The following NAV1 variants were observed in gnomAD, a reference collection of about 807,000 sequenced individuals.
The protein encoded by NAV1 is neuron navigator 1, also known as pore membrane and/or filament interacting like protein 3.
In NAV1, 18 loss-of-function variants were observed where a neutral mutation model predicts 175.2. The observed-to-expected ratio is 0.10, with a 90% CI of 0.07 to 0.15. NAV1 has a LOEUF of 0.15. Among genes scored for constraint, NAV1 ranks in the 10% least tolerant of loss-of-function variants. The pLI, the probability that NAV1 is intolerant of heterozygous loss-of-function variation, is 1.00. For synonymous variants in NAV1, 897 were observed against 978.7 expected, an observed-to-expected ratio of 0.92 and a Z score of 1.56; for missense variants, 1,731 against 2,436.6, an observed-to-expected ratio of 0.71 and a Z score of 6.10.
In NAV1 at chr1:201,734,322, C is replaced by T. The variant is rs142996152; in HGVS notation, c.1226+15567C>T. Among the ~76,000 whole-genome samples, 426 of 151,432 alleles carry T rather than the reference C, an allele frequency of 2.8e-3. 3 individuals carry two copies. Among genetic ancestry groups the T allele is most frequent in the African/African-American group, 9.8e-3 (406 of 41,262 alleles). On this transcript the variant is annotated intron_variant, in intron 3 of 29. Transcript: ENST00000367296. ...ACTCAGGAGGCTGAGGTGGGAGGATCGCTTGAGTGATTGGAGATTGAGGCT... is the reference window on the plus strand; with the variant it reads ...ACTCAGGAGGCTGAGGTGGGAGGATTGCTTGAGTGATTGGAGATTGAGGCT...
intron 1 of NAV1, among the ~76,000 whole-genome samples, chr1:201,672,636 G>C (rs1256196463): frequency 6.6e-6 from 1 of 152,254 alleles, no homozygotes; most frequent in Non-Finnish European, 1.5e-5. Context: ...CTTACTGCTA[G>C]TAAGTGGCAG....
intron 2 of NAV1, among the ~76,000 whole-genome samples, chr1:201,717,782 C>T (rs1462981829): frequency 6.6e-6 from 1 of 152,250 alleles, no homozygotes; most frequent in Non-Finnish European, 1.5e-5. Context: ...AAAGCTTTTC[C>T]TATACTCTCT....
chr1:201,718,894 T>C lies in NAV1; in HGVS notation c.1226+139T>C. 1 of 1,124,820 alleles carries C rather than the reference T, an allele frequency of 8.9e-7. No individual in the cohort carries two copies. Among genetic ancestry groups the C allele is most frequent in the Non-Finnish European group, 1.3e-6 (1 of 787,724 alleles). 69.7% of individuals were successfully genotyped at this position (1,124,820 alleles called of 1,614,324 possible). On this transcript the variant is annotated intron_variant, in intron 3 of 29. Transcript: ENST00000367296. The surrounding 1 kb of genome is among the most constrained non-coding windows in gnomAD (Gnocchi z 4.8). ...TGAAAGTACACAAAAGTGTGCTGTGTACACTTTGTGATTGCCTCTGAAATT... is the reference window on the plus strand; with the variant it reads ...TGAAAGTACACAAAAGTGTGCTGTGCACACTTTGTGATTGCCTCTGAAATT...
chr1:201,579,696 T>C (rs554062571), intron 1 of NAV1, among the ~76,000 whole-genome samples: 1 of 152,324 alleles, frequency 6.6e-6, no homozygotes, highest in East Asian at 1.9e-4. Flanking sequence ...AGTCTTCTTA[T>C]GTTTGCTTTA....
chr1:201,613,819 G>A (rs910607708), intron 2 of NAV1, among the ~76,000 whole-genome samples: 1 of 152,100 alleles, frequency 6.6e-6, no homozygotes, highest in Non-Finnish European at 1.5e-5. Context: ...CCAAGATCAC[G>A]CCACTGCACT....
chr1:201,786,455 C>A, exon 9 of NAV1: 2 of 1,613,548 alleles, frequency 1.2e-6, no homozygotes, highest in Non-Finnish European at 8.5e-7. Flanking sequence ...CAGGAGGAGA[C>A]CAAGGAGAGG....
chr1:201,625,735 T>G (rs748402388), intron 1 of NAV1, among the ~76,000 whole-genome samples: 30 of 152,220 alleles, frequency 2.0e-4, no homozygotes, highest in Non-Finnish European at 3.4e-4. Context: ...TCATTTTGAA[T>G]TCATTCTTTG....
At chr1:201,705,707 C>T (rs1029174850) in intron 1 of NAV1, among the ~76,000 whole-genome samples, 3 of 152,132 alleles carry the variant, frequency 2.0e-5, no homozygotes, top group Non-Finnish European at 2.9e-5. Context: ...TGGGGTGCCT[C>T]TGGTGTGGGG....
rs145170388 is a variant in NAV1, at chr1:201,711,965, G to A, written c.758-852G>A. On this transcript the variant is annotated intron_variant, in intron 1 of 29. Coordinates refer to ENST00000367296, the Ensembl canonical transcript of NAV1. ...GCTGTTGTAGATTCTCATCCGTCCA[G>A]GCTAATATCTGGACACCAGGGTTGA... Among the ~76,000 whole-genome samples, 296 of 152,308 alleles carry A rather than the reference G, an allele frequency of 1.9e-3. 2 individuals carry two copies. The highest frequency in any genetic ancestry group is 6.7e-3 in the African/African-American group (280 of 41,560).
chr1:201,790,528 C>G, intron 11 of NAV1, 26 bp from the exon 16 acceptor site: 1 of 1,613,850 alleles, frequency 6.2e-7, no homozygotes, highest in Non-Finnish European at 8.5e-7. Context: ...CTCTCTCTTT[C>G]TCTCCTTCTG....
At chr1:201,816,208 C>T (rs1036069673) in intron 28 of NAV1, among the ~76,000 whole-genome samples, 2 of 151,968 alleles carry the variant, frequency 1.3e-5, no homozygotes, top group African/African-American at 2.4e-5. Context: ...CCCATCTCTA[C>T]TAAATACAAA....
Position 201,648,702 on chromosome 1 carries a change from G to T in NAV1, c.34G>T (p.Glu12Ter). Residue 12 changes from glutamate (E) to a stop codon, truncating the protein, a stop_gained, in exon 1 of 30, where the codon GAG becomes TAG. Transcript: ENST00000367296. LOFTEE classifies it high-confidence loss of function. ...CAGCAGCGTCAAGAGCGTGCAGCCC[G>T]AGGTGGAGCTGAGCAGCGGCGGCGG... is the stretch of plus-strand genomic sequence containing the variant. The T allele has an allele frequency of 7.0e-7, 1 of 1,425,570 alleles. No homozygotes were observed. Among genetic ancestry groups the T allele is most frequent in the South Asian group, 1.5e-5 (1 of 67,474 alleles). 88.3% of individuals were successfully genotyped at this position (1,425,570 alleles called of 1,614,324 possible).
intron 3 of NAV1, among the ~76,000 whole-genome samples, chr1:201,761,781 G>A (rs370422427): frequency 2.0e-5 from 3 of 152,126 alleles, no homozygotes; most frequent in African/African-American, 7.2e-5. Flanking sequence ...TGGCAATGAC[G>A]TACAAGCAGT....
At position 201,766,087 on chromosome 1, in the gene NAV1, A is replaced by G. The variant is rs143571373; in HGVS notation, c.1227-14334A>G. ...GCCAAATAAATTTTCCTGATTGCACATATCCTCCAATTTCATATAAGACTC... is the reference window on the plus strand; with the variant it reads ...GCCAAATAAATTTTCCTGATTGCACGTATCCTCCAATTTCATATAAGACTC... On this transcript the variant is annotated intron_variant, in intron 3 of 29. Transcript: ENST00000367296. 8.4e-3 allele frequency among the ~76,000 whole-genome samples: 1,280 copies of G among 152,310 alleles called. 18 individuals carry two copies. Among genetic ancestry groups the G allele is most frequent in the African/African-American group, 0.029 (1,191 of 41,570 alleles).
intron 16 of NAV1, 23 bp downstream of exon 20, chr1:201,803,737 G>GT: frequency 6.2e-7 from 1 of 1,607,732 alleles, no homozygotes; most frequent in Non-Finnish European, 8.5e-7. Context: ...TTGGGGGGTG[G>GT]GAAGTAGGTA....
At chr1:201,663,761 G>A (rs74136660) in intron 1 of NAV1, among the ~76,000 whole-genome samples, 2,185 of 152,276 alleles carry the variant, frequency 0.014, 54 homozygotes, top group African/African-American at 0.051. Context: ...AGGGTATTGG[G>A]TTGTGGGGAG....
rs780601377 is a variant in NAV1 at position 201,807,995 on chromosome 1, C to T, written c.3691C>T (p.Pro1231Ser). The T allele has an allele frequency of 6.2e-7, 1 of 1,614,140 alleles. No homozygotes were observed. Among genetic ancestry groups the T allele is most frequent in the South Asian group, 1.1e-5 (1 of 91,090 alleles). Residue 1231 changes from proline to serine, a missense_variant, in exon 18 of 30, where the codon CCC becomes TCC. Coordinates refer to ENST00000367296, the Ensembl canonical transcript of NAV1. The surrounding 1 kb of genome is among the most constrained non-coding windows in gnomAD (Gnocchi z 5.4). ...CAAAGCGTTCAGTATAAAAAAGGGGCCCAAGTCAGCTTCCTCATACTCGGA... is the reference window on the plus strand; with the variant it reads ...CAAAGCGTTCAGTATAAAAAAGGGGTCCAAGTCAGCTTCCTCATACTCGGA...
chr1:201,552,101 C>T (rs1476891095), intron 1 of NAV1, among the ~76,000 whole-genome samples: 1 of 152,180 alleles, frequency 6.6e-6, no homozygotes, highest in Non-Finnish European at 1.5e-5. Context: ...TGGGAATGGC[C>T]ACTGCTGAGC....
intron 1 of NAV1, among the ~76,000 whole-genome samples, chr1:201,578,315 G>C (rs563071654): frequency 6.6e-6 from 1 of 152,178 alleles, no homozygotes; most frequent in South Asian, 2.1e-4. Flanking sequence ...GTATTTTTCA[G>C]TTTAAAATTT....
Sources: allele counts gnomAD v4.1 joint callset (sites outside exome capture counted in the v4.1 genomes callset), GRCh38; gene constraint gnomAD v4.1.1; non-coding constraint Gnocchi (gnomAD v3.1); transcripts MANE v1.5; gene names NCBI Gene and HGNC (gene_info 2026-07-23, HGNC 2026-07-21).